ITGA1: variants seen among roughly 807,000 people sequenced by gnomAD.
ITGA1 encodes the protein integrin subunit alpha 1, also known as integrin alpha-1.
In ITGA1, 85 loss-of-function variants were observed where a neutral mutation model predicts 145.9. The observed-to-expected ratio is 0.58, with a 90% CI of 0.49 to 0.70. The LOEUF (loss-of-function observed/expected upper bound fraction) is 0.70. ITGA1 is among the 30% of genes least tolerant of loss of function. ITGA1 has a pLI of 0.00. For synonymous variants in ITGA1, 520 were observed against 495.3 expected, an observed-to-expected ratio of 1.05 and a Z score of -0.66; for missense variants, 1,351 against 1,418.7, an observed-to-expected ratio of 0.95 and a Z score of 0.77.
intron 2 of ITGA1, among the ~76,000 whole-genome samples, chr5:52,849,889 G>C (rs1236739885): frequency 6.6e-6 from 1 of 152,100 alleles, no homozygotes; most frequent in African/African-American, 2.4e-5. Flanking sequence ...ACTTCCGTGA[G>C]TTTGGTCTTT....
intron 1 of ITGA1, among the ~76,000 whole-genome samples, chr5:52,818,192 G>A (rs1197423801): frequency 6.6e-6 from 1 of 152,006 alleles, no homozygotes; most frequent in African/African-American, 2.4e-5. Flanking sequence ...AAACACAACT[G>A]TAGTACATAC....
Position 52,954,701 on chromosome 5 carries a change from A to T in ITGA1, c.*2250A>T, listed in dbSNP as rs1579740568. Reference sequence around the variant, plus strand: ...AAATAGCTCTATAACACCAAAAAACAGAGTTTACAGAAAATAAACACAAAA... The same window carrying T: ...AAATAGCTCTATAACACCAAAAAACTGAGTTTACAGAAAATAAACACAAAA... On this transcript the variant is annotated 3_prime_UTR_variant, in exon 29 of 29. Coordinates refer to ENST00000282588, the MANE Select transcript of ITGA1 (RefSeq NM_181501.2). 1 of 152,320 alleles carries T rather than the reference A, an allele frequency of 6.6e-6. No individual in the cohort carries two copies. Among genetic ancestry groups the T allele is most frequent in the East Asian group, 1.9e-4 (1 of 5,184 alleles). 9.4% of individuals were successfully genotyped at this position (152,320 alleles called of 1,614,324 possible).
rs1751325689 is a variant in ITGA1, at chr5:52,957,872, A to G, written c.*5421A>G. ...TTTCAGGTAATATCTTTATGAAAAAAAGATGAAGTATGGAATTGTAGGAAC... is the reference window on the plus strand; with the variant it reads ...TTTCAGGTAATATCTTTATGAAAAAGAGATGAAGTATGGAATTGTAGGAAC... On this transcript the variant is annotated 3_prime_UTR_variant, in exon 29 of 29. Coordinates refer to ENST00000282588, the MANE Select transcript of ITGA1 (RefSeq NM_181501.2). 6.6e-6 allele frequency: 1 copy of G among 152,214 alleles called. No individual in the cohort carries two copies. The highest frequency in any genetic ancestry group is 2.4e-5 in the African/African-American group (1 of 41,452). 9.4% of individuals were successfully genotyped at this position (152,214 alleles called of 1,614,324 possible).
intron 11 of ITGA1, chr5:52,904,786 G>C (rs1447530149): frequency 6.6e-6 from 1 of 150,690 alleles, no homozygotes; most frequent in Non-Finnish European, 1.5e-5. Context: ...CCGGGAGGCG[G>C]AGCTTGCAGT....
At position 52,956,406 on chromosome 5, in the gene ITGA1, T is replaced by A. The variant is rs1253926308; in HGVS notation, c.*3955T>A. 1 of 152,180 alleles carries A rather than the reference T, an allele frequency of 6.6e-6. No homozygotes were observed. The highest frequency in any genetic ancestry group is 1.5e-5 in the Non-Finnish European group (1 of 68,028). The allele number at this position is 152,180 out of a possible 1,614,324, so 9.4% of individuals were successfully genotyped here. A position where few individuals can be genotyped will look rare whatever the true frequency, so the allele number is the denominator to read the frequency against. ...TACTTTTCATTTCTTCCAACAACCC[T>A]CAGGCCCCCTTTTGCCAGTTTTCTC... On this transcript the variant is annotated 3_prime_UTR_variant, in exon 29 of 29. Coordinates refer to ENST00000282588, the MANE Select transcript of ITGA1 (RefSeq NM_181501.2).
At chr5:52,856,300 A>G (rs1055069744) in intron 2 of ITGA1, among the ~76,000 whole-genome samples, 1 of 152,010 alleles carries the variant, frequency 6.6e-6, no homozygotes, top group African/African-American at 2.4e-5. Flanking sequence ...ACAATTCACA[A>G]TAGCTCTCCT....
intron 6 of ITGA1, among the ~76,000 whole-genome samples, chr5:52,874,516 T>C (rs1749835195): frequency 6.6e-6 from 1 of 152,124 alleles, no homozygotes; most frequent in Non-Finnish European, 1.5e-5. Flanking sequence ...AAACATGACT[T>C]TCAGTTTCAT....
intron 1 of ITGA1, among the ~76,000 whole-genome samples, chr5:52,812,789 CTTTTTTTTTTTTTTT>C (rs61600951): frequency 2.3e-5 from 2 of 86,114 alleles, no homozygotes; most frequent in African/African-American, 5.0e-5. Context: ...CTTCTTATCG[CTTTTTTTTTTTTTTT>C]TTTTTTTTTT....
intron 6 of ITGA1, among the ~76,000 whole-genome samples, chr5:52,880,875 G>C (rs948911202): frequency 6.6e-6 from 1 of 152,136 alleles, no homozygotes; most frequent in African/African-American, 2.4e-5. Flanking sequence ...TTAGTTTATT[G>C]GTTCACATCA....
intron 3 of ITGA1, among the ~76,000 whole-genome samples, chr5:52,862,513 C>A (rs982313273): frequency 6.6e-6 from 1 of 152,118 alleles, no homozygotes; most frequent in Non-Finnish European, 1.5e-5. Flanking sequence ...ACTTTTAACT[C>A]TCTGCATTTT....
intron 1 of ITGA1, chr5:52,803,456 G>T (rs546521340): frequency 5.9e-5 from 9 of 152,046 alleles, no homozygotes; most frequent in Non-Finnish European, 8.8e-5. Context: ...GAGATTTTTG[G>T]ACATTTTTAC....
chr5:52,879,658 A>G (rs1033159533), intron 6 of ITGA1, among the ~76,000 whole-genome samples: 9 of 152,178 alleles, frequency 5.9e-5, no homozygotes, highest in Non-Finnish European at 5.9e-5. Context: ...GCAGTCATAG[A>G]TGTGTCTTTA....
chr5:52,867,518 G>C (rs6884370), intron 6 of ITGA1, among the ~76,000 whole-genome samples: 41,606 of 151,896 alleles, frequency 0.27, 5,945 homozygotes, highest in South Asian at 0.38. Flanking sequence ...TTGCTACAGG[G>C]TACAGGGCAG....
rs529864505 is a variant in ITGA1 at position 52,926,611 on chromosome 5, AATT to A, written c.2614-952_2614-950del. 3.2e-4 allele frequency among the ~76,000 whole-genome samples: 48 copies of A among 151,612 alleles called. No individual in the cohort carries two copies. The East Asian group carries it at 3.7e-3, about 12-fold the overall frequency. On this transcript the variant is annotated intron_variant, in intron 19 of 28. Transcript: ENST00000282588. ...GGGAGAACAAGACTCTGTCTCAAAA[AATT>A]ATTATTATTATTATTATTATAAATA...
chr5:52,918,694 T>C, intron 15 of ITGA1, 38 bp from the exon 16 acceptor site: 1 of 1,580,934 alleles, frequency 6.3e-7, no homozygotes, highest in Non-Finnish European at 8.6e-7. Context: ...TCATTAAATG[T>C]AAAAATGTGT....
chr5:52,936,787 A>T (rs1403369843), intron 23 of ITGA1, among the ~76,000 whole-genome samples: 2 of 152,176 alleles, frequency 1.3e-5, no homozygotes, highest in Non-Finnish European at 2.9e-5. Context: ...AATCGAATGG[A>T]GACTGAGATG....
At chr5:52,838,079 T>G (rs1451622795) in intron 1 of ITGA1, among the ~76,000 whole-genome samples, 1 of 152,218 alleles carries the variant, frequency 6.6e-6, no homozygotes, top group East Asian at 1.9e-4. Flanking sequence ...TTGGCTTATT[T>G]TCTCTTCATA....
intron 27 of ITGA1, 110 bp downstream of exon 27, chr5:52,945,145 G>T: frequency 2.8e-6 from 2 of 710,526 alleles, no homozygotes; most frequent in Non-Finnish European, 4.8e-6. Context: ...ATTGCTCTCG[G>T]TAAGTGACAG....
intron 2 of ITGA1, among the ~76,000 whole-genome samples, chr5:52,859,087 A>G (rs1489899309): frequency 6.6e-6 from 1 of 152,168 alleles, no homozygotes; most frequent in Non-Finnish European, 1.5e-5. Flanking sequence ...GGCCTAGCAC[A>G]TGGTATAAAT....
Sources: gnomAD v4.1 joint callset for allele counts (sites outside exome capture counted in the v4.1 genomes callset) on GRCh38, gnomAD v4.1.1 for gene constraint, MANE v1.5 for transcripts, NCBI Gene and HGNC (gene_info 2026-07-23, HGNC 2026-07-21) for gene names.